Variants in DTNA observed in about 807,000 individuals in gnomAD.
The protein encoded by DTNA is dystrophin-related protein 3.
A neutral mutation model predicts 100.7 loss-of-function variants in DTNA; 43 were observed. That is an observed-to-expected ratio of 0.43 (90% CI 0.33 to 0.55). The LOEUF is 0.55. DTNA is among the 20% of genes least tolerant of loss of function. The probability of loss-of-function intolerance (pLI) is 0.04; values close to 1 mark genes in which losing one functional copy is unlikely to be tolerated. For missense variants in DTNA, 798 were observed against 953.9 expected (o/e 0.84, Z 2.15); for synonymous variants, 349 against 347.9 (o/e 1.00, Z -0.04).
chr18:34,675,973 T>C (rs888460039), intron 1 of DTNA, among the ~76,000 whole-genome samples: 2 of 152,160 alleles, frequency 1.3e-5, no homozygotes, highest in African/African-American at 4.8e-5. Context: ...AAATAAACAA[T>C]AGAGAGTGAG....
chr18:34,874,843 A>C (rs575846076), intron 17 of DTNA, among the ~76,000 whole-genome samples: 77 of 152,360 alleles, frequency 5.1e-4, no homozygotes, highest in African/African-American at 1.8e-3. Flanking sequence ...GAAAGCATCC[A>C]TTGCAAATAG....
chr18:34,675,571 CAA>C (rs1017902893), intron 1 of DTNA, among the ~76,000 whole-genome samples: 2 of 152,006 alleles, frequency 1.3e-5, no homozygotes, highest in African/African-American at 2.4e-5. Flanking sequence ...AAAAAGAAGA[CAA>C]ATTTTAAAAT....
intron 1 of DTNA, among the ~76,000 whole-genome samples, chr18:34,666,730 G>T (rs1486937730): frequency 2.0e-5 from 3 of 152,124 alleles, no homozygotes; most frequent in Admixed American, 6.6e-5. Flanking sequence ...TCAGATGGTT[G>T]TAGATGTGTG....
intron 3 of DTNA, among the ~76,000 whole-genome samples, chr18:34,785,547 C>A (rs911001668): frequency 6.6e-6 from 1 of 152,126 alleles, no homozygotes; most frequent in African/African-American, 2.4e-5. Flanking sequence ...TTCCTCAGAA[C>A]TCTATCAGAA....
chr18:34,673,458 C>T (rs969319231), intron 1 of DTNA, among the ~76,000 whole-genome samples: 1 of 150,476 alleles, frequency 6.6e-6, no homozygotes, highest in South Asian at 2.1e-4. Context: ...AGTATCATCT[C>T]GATAAGCAAC....
At chr18:34,848,149 C>T in intron 13 of DTNA, 147 bp from the exon 14 acceptor site, 1 of 741,552 alleles carries the variant, frequency 1.3e-6, no homozygotes, top group Non-Finnish European at 2.4e-6. Flanking sequence ...AAATTCAAGT[C>T]TGAGATTGTT....
chr18:34,749,762 A>T (rs1052841372), intron 1 of DTNA, among the ~76,000 whole-genome samples: 8 of 152,162 alleles, frequency 5.3e-5, no homozygotes, highest in Non-Finnish European at 1.0e-4. Flanking sequence ...CTTGTATTTT[A>T]GTAACAGCAT....
At position 34,823,352 on chromosome 18, in the gene DTNA, A is replaced by G. The variant is rs531974544; in HGVS notation, c.1001+2437A>G. On this transcript the variant is annotated intron_variant, in intron 9 of 22. Transcript: ENST00000444659. ...TAAATAAGATTTTGATAAATTAGAC[A>G]AAAATATATGACATTCCATACCATG... Among the ~76,000 whole-genome samples the G allele has an allele frequency of 2.0e-4, 31 of 152,358 alleles. 2 individuals carry two copies. Among genetic ancestry groups the G allele is most frequent in the Middle Eastern group, 3.4e-3 (1 of 294 alleles).
chr18:34,853,643 A>G (rs549628041), intron 15 of DTNA, among the ~76,000 whole-genome samples: 1 of 152,302 alleles, frequency 6.6e-6, no homozygotes, highest in Admixed American at 6.5e-5. Flanking sequence ...TGCTCACATC[A>G]GAGCTGGAAT....
intron 11 of DTNA, among the ~76,000 whole-genome samples, chr18:34,833,899 C>G (rs1204506883): frequency 6.6e-6 from 1 of 152,142 alleles, no homozygotes; most frequent in Non-Finnish European, 1.5e-5. Context: ...TTTAATGAAG[C>G]TCAGTCTGGG....
At chr18:34,878,228 T>A (rs1209501094) in intron 19 of DTNA, among the ~76,000 whole-genome samples, 3 of 152,198 alleles carry the variant, frequency 2.0e-5, no homozygotes, top group Non-Finnish European at 2.9e-5. Context: ...TCCTCCTGCC[T>A]CGGCCTCCCA....
intron 3 of DTNA, among the ~76,000 whole-genome samples, chr18:34,779,935 T>A (rs914893194): frequency 2.0e-5 from 3 of 152,224 alleles, no homozygotes; most frequent in Non-Finnish European, 2.9e-5. Context: ...CTCCTGATTT[T>A]GTAGATTGGT....
Position 34,890,636 on chromosome 18 carries a change from T to C in DTNA, c.*2902T>C. The C allele has an allele frequency of 1.1e-6, 1 of 872,520 alleles. No individual in the cohort carries two copies. The highest frequency in any genetic ancestry group is 2.0e-5 in the South Asian group (1 of 51,276). The allele number at this position is 872,520 out of a possible 1,614,324, so 54.0% of individuals were successfully genotyped here. ...AATGGAGGAGGGGAGGAAGGTGAAA[T>C]CTACTGCATGGGATTCAGGAAACAG... On this transcript the variant is annotated 3_prime_UTR_variant, in exon 23 of 23. Coordinates refer to ENST00000444659, the MANE Select transcript of DTNA (RefSeq NM_001386795.1).
intron 14 of DTNA, 144 bp downstream of exon 14, chr18:34,848,527 G>T: frequency 1.0e-6 from 1 of 956,924 alleles, no homozygotes; most frequent in African/African-American, 1.6e-5. Context: ...TGCTAAGTTT[G>T]TGGTGTCTTG....
intron 1 of DTNA, among the ~76,000 whole-genome samples, chr18:34,628,674 A>G (rs528888114): frequency 1.3e-5 from 2 of 152,332 alleles, no homozygotes; most frequent in African/African-American, 4.8e-5. Flanking sequence ...GTCAAGTTTC[A>G]ATGTTTCTAA....
chr18:34,766,516 C>T (rs1450737876), intron 3 of DTNA, among the ~76,000 whole-genome samples: 1 of 151,680 alleles, frequency 6.6e-6, no homozygotes, highest in Non-Finnish European at 1.5e-5. Flanking sequence ...CACTCCGGGG[C>T]CTGTTGTGGT....
chr18:34,544,282 A>G (rs2044541255), intron 1 of DTNA, among the ~76,000 whole-genome samples: 1 of 152,142 alleles, frequency 6.6e-6, no homozygotes, highest in Non-Finnish European at 1.5e-5. Flanking sequence ...CTATAGTGTT[A>G]TATATTTCTT....
chr18:34,873,727 A>T (rs2096787977), intron 17 of DTNA, among the ~76,000 whole-genome samples: 1 of 152,256 alleles, frequency 6.6e-6, no homozygotes, highest in South Asian at 2.1e-4. Flanking sequence ...GGCACAACGC[A>T]AATGTGAAAT....
intron 1 of DTNA, among the ~76,000 whole-genome samples, chr18:34,553,571 G>A (rs888765319): frequency 5.3e-5 from 8 of 152,088 alleles, no homozygotes; most frequent in Non-Finnish European, 1.2e-4. Flanking sequence ...GTGTAAGGAA[G>A]GGATCCAGTT....
Sources: gnomAD v4.1 joint callset for allele counts (sites outside exome capture counted in the v4.1 genomes callset) on GRCh38, gnomAD v4.1.1 for gene constraint, MANE v1.5 for transcripts, NCBI Gene and HGNC (gene_info 2026-07-23, HGNC 2026-07-21) for gene names.